The following GPATCH2L variants were observed in gnomAD, a reference collection of about 807,000 sequenced individuals.
GPATCH2L encodes G patch domain-containing protein 2-like.
In GPATCH2L, 31 loss-of-function variants were observed where a neutral mutation model predicts 57.4. The ratio of observed to expected loss-of-function variants is 0.54; its 90% confidence interval spans 0.41 to 0.73. The LOEUF is 0.73. GPATCH2L is among the 30% of genes least tolerant of loss of function. The pLI, the probability that GPATCH2L is intolerant of heterozygous loss-of-function variation, is 0.00. For missense variants in GPATCH2L, 481 were observed against 599.9 expected (o/e 0.80, Z 2.07); for synonymous variants, 199 against 210.7 (o/e 0.94, Z 0.48).
At chr14:76,235,100 G>A (rs1369226103) in intron 2 of GPATCH2L, among the ~76,000 whole-genome samples, 3 of 151,614 alleles carry the variant, frequency 2.0e-5, no homozygotes, top group South Asian at 2.1e-4. Flanking sequence ...CCCAGGAGGC[G>A]GAGGTTGCGG....
intron 1 of GPATCH2L, among the ~76,000 whole-genome samples, chr14:76,220,809 G>A (rs2040510918): frequency 6.6e-6 from 1 of 152,012 alleles, no homozygotes; most frequent in Non-Finnish European, 1.5e-5. Context: ...GAAATATTTA[G>A]AAATTAAACA....
chr14:76,164,851 A>G (rs1354559475), intron 2 of GPATCH2L, among the ~76,000 whole-genome samples: 1 of 152,216 alleles, frequency 6.6e-6, no homozygotes, highest in African/African-American at 2.4e-5. Flanking sequence ...GATTCCTATG[A>G]TAATATACTT....
chr14:76,231,810 A>G (rs192979089), intron 2 of GPATCH2L, among the ~76,000 whole-genome samples: 37 of 152,272 alleles, frequency 2.4e-4, no homozygotes, highest in Admixed American at 7.2e-4. Flanking sequence ...GTTATTCTAC[A>G]TGTATTTTGA....
chr14:76,173,446 C>A (rs2039176816), intron 4 of GPATCH2L, 100 bp from the exon 5 acceptor site: 5 of 684,232 alleles, frequency 7.3e-6, no homozygotes, highest in South Asian at 6.2e-5. Context: ...AAAGGTCAAT[C>A]TATTAAGATC....
In GPATCH2L at chr14:76,227,087, T is replaced by C. The variant is rs77747862; in HGVS notation, c.66-2721T>C. Among the ~76,000 whole-genome samples the C allele has an allele frequency of 1.1e-3, 166 of 152,298 alleles. 1 individual carries two copies. The highest frequency in any genetic ancestry group is 3.8e-3 in the African/African-American group (156 of 41,568). On this transcript the variant is annotated intron_variant and NMD_transcript_variant, in intron 1 of 3. Coordinates refer to the GPATCH2L transcript ENST00000556372. ...GGAAGTATTGCACAGGGTGCCTCCC[T>C]CCTGGACTGTCTGAGAGCTCCAGCC...
At chr14:76,196,441 T>TG (rs1482407137) in intron 9 of GPATCH2L, 243 of 186,568 alleles carry the variant, frequency 1.3e-3, no homozygotes, top group African/African-American at 4.5e-3. Context: ...TTTTCAGTTT[T>TG]TTTTTTTTTT....
intron 3 of GPATCH2L, 131 bp downstream of exon 3, chr14:76,166,858 G>A: frequency 1.4e-6 from 1 of 694,094 alleles, no homozygotes; most frequent in Non-Finnish European, 2.6e-6. Context: ...GCATATGAGA[G>A]TCACCTAGGG....
At chr14:76,230,520 C>T (rs758630816) in intron 2 of GPATCH2L, 1 of 152,092 alleles carries the variant, frequency 6.6e-6, no homozygotes, top group African/African-American at 2.4e-5. Context: ...TGGGGCCTTA[C>T]TTGTGGTCAC....
intron 1 of GPATCH2L, among the ~76,000 whole-genome samples, chr14:76,221,816 T>G (rs1370049383): frequency 6.6e-6 from 1 of 152,068 alleles, no homozygotes; most frequent in Non-Finnish European, 1.5e-5. Context: ...AAGGGTTAGA[T>G]GGGAAGGAGA....
At chr14:76,180,935 G>T in intron 8 of GPATCH2L, 86 bp downstream of exon 8, 1 of 808,324 alleles carries the variant, frequency 1.2e-6, no homozygotes, top group Admixed American at 1.9e-5. Context: ...GTATGCTTGT[G>T]TACAGTATCC....
rs1372780312 is a variant in GPATCH2L at position 76,203,915 on chromosome 14, T to G, written c.*2064T>G. The G allele has an allele frequency of 6.6e-6, 1 of 152,232 alleles. No homozygotes were observed. Among genetic ancestry groups the G allele is most frequent in the Non-Finnish European group, 1.5e-5 (1 of 68,038 alleles). 9.4% of individuals were successfully genotyped at this position (152,232 alleles called of 1,614,324 possible). ...AGTGATTGGTCCCATGATCATGGCC[T>G]ATTAGTGAAAACCTCCAAAGGTCAG... On this transcript the variant is annotated 3_prime_UTR_variant, in exon 10 of 10. Transcript: ENST00000261530.
intron 9 of GPATCH2L, among the ~76,000 whole-genome samples, chr14:76,201,136 T>C (rs1200561553): frequency 1.3e-5 from 2 of 152,194 alleles, no homozygotes; most frequent in African/African-American, 4.8e-5. Context: ...CCATTTTCCT[T>C]GTTGTATGGT....
intron 2 of GPATCH2L, among the ~76,000 whole-genome samples, chr14:76,157,307 C>G (rs531906846): frequency 6.6e-6 from 1 of 152,284 alleles, no homozygotes; most frequent in East Asian, 1.9e-4. Context: ...AGCCTCTCTT[C>G]AAGAGGAGAG....
downstream of GPATCH2L, among the ~76,000 whole-genome samples, chr14:76,215,054 C>CA (rs1159060775): frequency 1.3e-5 from 2 of 150,200 alleles, no homozygotes; most frequent in Non-Finnish European, 1.5e-5. Context: ...GAAAAACAAA[C>CA]AAAAAAACCA....
At chr14:76,155,753 G>A (rs1180966980) in intron 2 of GPATCH2L, among the ~76,000 whole-genome samples, 1 of 152,140 alleles carries the variant, frequency 6.6e-6, no homozygotes, top group Non-Finnish European at 1.5e-5. Context: ...ATACTTTAAT[G>A]TTATTAATAT....
At position 76,211,805 on chromosome 14, in the gene GPATCH2L, C is replaced by T. The variant is rs1315534070; in HGVS notation, c.*9954C>T. On this transcript the variant is annotated 3_prime_UTR_variant, in exon 10 of 10. Transcript: ENST00000261530. ...TAAGTTCTGATCCCATGATTTTGGT[C>T]TCATTAATACCGTGCTATAAATAAA... The T allele has an allele frequency of 6.6e-6, 1 of 152,136 alleles. No individual in the cohort carries two copies. The highest frequency in any genetic ancestry group is 2.1e-4 in the South Asian group (1 of 4,818). 9.4% of individuals were successfully genotyped at this position (152,136 alleles called of 1,614,324 possible).
At chr14:76,153,100 A>G (rs2038131186) in intron 1 of GPATCH2L, 1 of 258,544 alleles carries the variant, frequency 3.9e-6, no homozygotes, top group African/African-American at 2.3e-5. Flanking sequence ...TATTGCTCCT[A>G]CAGGTGTGGC....
At chr14:76,165,792 A>AT (rs1294664276) in intron 2 of GPATCH2L, among the ~76,000 whole-genome samples, 4 of 152,164 alleles carry the variant, frequency 2.6e-5, no homozygotes, top group African/African-American at 9.7e-5. Context: ...ATAGATTGGG[A>AT]TTTTGCCAAG....
In GPATCH2L at chr14:76,172,654, C is replaced by T. The variant is rs989660850; in HGVS notation, c.904+635C>T. Among the ~76,000 whole-genome samples the T allele has an allele frequency of 4.6e-5, 7 of 152,106 alleles. No individual in the cohort carries two copies. In the South Asian group the frequency reaches 8.3e-4, roughly 18 times the overall value. Reference sequence around the variant, plus strand: ...CCTGGGATGACAGGGTCATCACTTACGATATGTGACATTGGACAAAACCAT... The same window carrying T: ...CCTGGGATGACAGGGTCATCACTTATGATATGTGACATTGGACAAAACCAT... On this transcript the variant is annotated intron_variant, in intron 4 of 9. Transcript: ENST00000261530.
Sources: gnomAD v4.1 joint callset for allele counts (sites outside exome capture counted in the v4.1 genomes callset) on GRCh38, gnomAD v4.1.1 for gene constraint, MANE v1.5 for transcripts, NCBI Gene and HGNC (gene_info 2026-07-23, HGNC 2026-07-21) for gene names.